The following NOS1AP variants were observed in gnomAD, a reference collection of about 807,000 sequenced individuals.
NOS1AP encodes the protein nitric oxide synthase 1 adaptor protein.
In NOS1AP, 21 loss-of-function variants were observed where a neutral mutation model predicts 56.2. That is an observed-to-expected ratio of 0.37 (90% CI 0.26 to 0.54). The LOEUF is 0.54. Among genes scored for constraint, NOS1AP ranks in the 20% least tolerant of loss-of-function variants. The pLI is 0.84. For synonymous variants in NOS1AP, 270 were observed against 274.6 expected (o/e 0.98, Z 0.17); for missense variants, 522 against 657.8 (o/e 0.79, Z 2.26).
In NOS1AP at chr1:162,308,630, G is replaced by T. The variant is rs190566162; in HGVS notation, c.344+7924G>T. Among the ~76,000 whole-genome samples, 7 of 152,344 alleles carry T rather than the reference G, an allele frequency of 4.6e-5. No individual in the cohort carries two copies. The East Asian group carries it at 1.2e-3, about 25-fold the overall frequency. On this transcript the variant is annotated intron_variant, in intron 4 of 9. Coordinates refer to ENST00000361897, the MANE Select transcript of NOS1AP (RefSeq NM_014697.3). Reference sequence around the variant, plus strand: ...GGACCAAGGGAAGCCCTTTCATTCTGCAGTGTTGCCCCTCCATTCTGCAGA... The same window carrying T: ...GGACCAAGGGAAGCCCTTTCATTCTTCAGTGTTGCCCCTCCATTCTGCAGA...
chr1:162,321,731 A>AATATATATATATAT (rs66879950), intron 4 of NOS1AP, among the ~76,000 whole-genome samples: 8 of 128,486 alleles, frequency 6.2e-5, no homozygotes, highest in South Asian at 2.6e-4. Flanking sequence ...AAAAAAAAAA[A>AATATATATATATAT]ATATATATAT....
intron 2 of NOS1AP, among the ~76,000 whole-genome samples, chr1:162,223,423 G>GT (rs1351656822): frequency 6.6e-6 from 1 of 152,178 alleles, no homozygotes; most frequent in Non-Finnish European, 1.5e-5. Context: ...CAAAAAGTGT[G>GT]TAGGGGTGGG....
At chr1:162,198,280 C>A (rs6692600) in intron 2 of NOS1AP, among the ~76,000 whole-genome samples, 1 of 152,190 alleles carries the variant, frequency 6.6e-6, no homozygotes, top group Non-Finnish European at 1.5e-5. Context: ...GTCATCAAAG[C>A]CATCTGCATA....
intron 2 of NOS1AP, among the ~76,000 whole-genome samples, chr1:162,166,060 T>C (rs1233354557): frequency 1.3e-5 from 2 of 152,202 alleles, no homozygotes; most frequent in Admixed American, 6.5e-5. Flanking sequence ...TCACTACCCC[T>C]GGCTTAGGTC....
chr1:162,202,256 T>C (rs1434854750), intron 2 of NOS1AP, among the ~76,000 whole-genome samples: 1 of 152,212 alleles, frequency 6.6e-6, no homozygotes, highest in Non-Finnish European at 1.5e-5. Context: ...TATATTCTTA[T>C]TGCAGAGCAT....
intron 1 of NOS1AP, among the ~76,000 whole-genome samples, chr1:162,113,720 G>A (rs188861661): frequency 2.6e-5 from 4 of 152,122 alleles, no homozygotes; most frequent in East Asian, 1.9e-4. Flanking sequence ...GGGGAAATCC[G>A]CCCCTATGAT....
intron 4 of NOS1AP, among the ~76,000 whole-genome samples, chr1:162,305,362 G>A (rs1655791044): frequency 1.3e-5 from 2 of 150,928 alleles, no homozygotes; most frequent in South Asian, 4.2e-4. Flanking sequence ...CAACACTATG[G>A]TGGACATCTA....
chr1:162,102,307 G>T (rs10753755), intron 1 of NOS1AP, among the ~76,000 whole-genome samples: 2 of 152,178 alleles, frequency 1.3e-5, no homozygotes, highest in African/African-American at 2.4e-5. Context: ...CAGCTTGATC[G>T]TGGTGGATAA....
chr1:162,281,295 T>C (rs1178034642), intron 2 of NOS1AP, among the ~76,000 whole-genome samples: 2 of 152,250 alleles, frequency 1.3e-5, no homozygotes, highest in African/African-American at 4.8e-5. Flanking sequence ...TTACTTTATA[T>C]ACAGTGCCTT....
chr1:162,133,722 G>T (rs1648855481), intron 1 of NOS1AP, among the ~76,000 whole-genome samples: 1 of 152,178 alleles, frequency 6.6e-6, no homozygotes, highest in Admixed American at 6.6e-5. Flanking sequence ...GTTGGAACTG[G>T]TATTTATTAC....
chr1:162,335,198 T>C (rs1439918571), intron 5 of NOS1AP, among the ~76,000 whole-genome samples: 1 of 152,236 alleles, frequency 6.6e-6, no homozygotes, highest in Non-Finnish European at 1.5e-5. Flanking sequence ...TCCTGTTTCC[T>C]ATACCGCTTT....
chr1:162,351,212 T>C lies in NOS1AP; in HGVS notation c.596-3975T>C, dbSNP rs1444123998. 2.0e-5 allele frequency among the ~76,000 whole-genome samples: 3 copies of C among 152,232 alleles called. No homozygotes were observed. In the East Asian group the frequency reaches 5.8e-4, roughly 29 times the overall value. ...GCCCATACACATAAAACTAGTGCAG[T>C]GCCTGAAGCATACTAAGTGCTGTTT... On this transcript the variant is annotated intron_variant, in intron 6 of 9. Transcript: ENST00000361897.
intron 2 of NOS1AP, among the ~76,000 whole-genome samples, chr1:162,222,019 A>C: frequency 6.6e-6 from 1 of 152,238 alleles, no homozygotes; most frequent in East Asian, 1.9e-4. Context: ...CCATTATAAA[A>C]AATGTTGAAT....
Position 162,336,324 on chromosome 1 carries a change from T to C in NOS1AP, c.453+3199T>C, listed in dbSNP as rs549284019. On this transcript the variant is annotated intron_variant, in intron 5 of 9. Transcript: ENST00000361897. ...ATGTGTGTAAAGACTCAACAAGTAATGGAGTCAGAACTGAACCCAGAGGGT... is the reference window on the plus strand; with the variant it reads ...ATGTGTGTAAAGACTCAACAAGTAACGGAGTCAGAACTGAACCCAGAGGGT... 2.6e-5 allele frequency among the ~76,000 whole-genome samples: 4 copies of C among 152,288 alleles called. No homozygotes were observed. The South Asian group carries it at 6.2e-4, about 24-fold the overall frequency.
chr1:162,192,293 G>T (rs1274618551), intron 2 of NOS1AP, among the ~76,000 whole-genome samples: 3 of 152,164 alleles, frequency 2.0e-5, no homozygotes, highest in Non-Finnish European at 2.9e-5. Context: ...TTCAAGAAGT[G>T]TCTTAGACTC....
chr1:162,242,653 C>T (rs1653523284), intron 2 of NOS1AP, among the ~76,000 whole-genome samples: 1 of 152,166 alleles, frequency 6.6e-6, no homozygotes, highest in African/African-American at 2.4e-5. Flanking sequence ...ATTCCTGACC[C>T]ACAAGAGTCT....
intron 1 of NOS1AP, among the ~76,000 whole-genome samples, chr1:162,079,477 A>T (rs4656348): frequency 1.3e-5 from 2 of 151,896 alleles, no homozygotes; most frequent in South Asian, 4.1e-4. Flanking sequence ...GTAGCATAGC[A>T]TGGCATGAAT....
At chr1:162,108,716 T>TAAA (rs544311072) in intron 1 of NOS1AP, among the ~76,000 whole-genome samples, 1 of 150,114 alleles carries the variant, frequency 6.7e-6, no homozygotes, top group African/African-American at 2.4e-5. Context: ...TAACAAACAT[T>TAAA]AAAAAAAAAG....
At chr1:162,073,740 G>A (rs901025470) in intron 1 of NOS1AP, among the ~76,000 whole-genome samples, 7 of 152,256 alleles carry the variant, frequency 4.6e-5, no homozygotes, top group Non-Finnish European at 7.3e-5. Flanking sequence ...GATTACAGGC[G>A]TGAACCACTG....
Sources: allele counts gnomAD v4.1 joint callset (sites outside exome capture counted in the v4.1 genomes callset), GRCh38; gene constraint gnomAD v4.1.1; transcripts MANE v1.5; gene names NCBI Gene and HGNC (gene_info 2026-07-23, HGNC 2026-07-21).